HHIP: variants seen among roughly 807,000 people sequenced by gnomAD.
The protein encoded by HHIP is hedgehog-interacting protein.
In HHIP, 12 loss-of-function variants were observed where a neutral mutation model predicts 74.0. The observed-to-expected ratio is 0.16, with a 90% CI of 0.10 to 0.26. HHIP has a LOEUF of 0.26. Among genes scored for constraint, HHIP ranks in the 10% least tolerant of loss-of-function variants. The pLI is 1.00. For missense variants in HHIP, 788 were observed against 845.0 expected, an observed-to-expected ratio of 0.93 and a Z score of 0.84; for synonymous variants, 309 against 311.6, an observed-to-expected ratio of 0.99 and a Z score of 0.09.
intron 1 of HHIP, chr4:144,647,317 G>T: frequency 4.9e-6 from 1 of 202,584 alleles, no homozygotes; most frequent in South Asian, 1.8e-4. Flanking sequence ...AGGTGGCTGT[G>T]GTTTCCGGCT....
chr4:144,715,150 C>G, intron 9 of HHIP, 150 bp from the exon 10 acceptor site: 1 of 637,846 alleles, frequency 1.6e-6, no homozygotes. Context: ...ACAGTACTCA[C>G]ACACGTTATG....
At chr4:144,732,897 C>T (rs1731002134) in intron 11 of HHIP, among the ~76,000 whole-genome samples, 1 of 152,204 alleles carries the variant, frequency 6.6e-6, no homozygotes, top group African/African-American at 2.4e-5. Context: ...CAGAATTCTG[C>T]AATTTCAACT....
At chr4:144,728,421 T>C (rs1447567476) in intron 11 of HHIP, among the ~76,000 whole-genome samples, 1 of 152,168 alleles carries the variant, frequency 6.6e-6, no homozygotes, top group Non-Finnish European at 1.5e-5. Flanking sequence ...TATGTAAAAA[T>C]AAGATAGAAC....
At chr4:144,684,344 T>C (rs1410183444) in intron 4 of HHIP, among the ~76,000 whole-genome samples, 13 of 127,096 alleles carry the variant, frequency 1.0e-4, no homozygotes, top group Non-Finnish European at 1.7e-4. Flanking sequence ...CTGCAAGCTC[T>C]GCCTCCCGGG....
At chr4:144,668,370 A>T (rs1474396473) in intron 4 of HHIP, among the ~76,000 whole-genome samples, 1 of 152,038 alleles carries the variant, frequency 6.6e-6, no homozygotes, top group Non-Finnish European at 1.5e-5. Context: ...GAGAAGAGAG[A>T]ACTTTAAAAG....
Position 144,718,950 on chromosome 4 carries a change from C to G in HHIP, c.1754C>G (p.Pro585Arg). The change falls in exon 11 of 13, where the codon CCC becomes CGC. Residue 585 changes from proline (P) to arginine (R), a missense_variant. Pro to Arg is a moderately radical substitution (Grantham distance 103). Coordinates refer to ENST00000296575, the MANE Select transcript of HHIP (RefSeq NM_022475.3). ...GGAAAACTCTACAAAATTGTAGATC[C>G]CAAAAGGTGAGATTTCCTTTTATCC... ...HNGKLYKIVDPKRPLMPEECR... is the reference protein window; with the variant it reads ...HNGKLYKIVDRKRPLMPEECR... The G allele has an allele frequency of 6.3e-7, 1 of 1,584,242 alleles. No individual in the cohort carries two copies. Among genetic ancestry groups the G allele is most frequent in the Non-Finnish European group, 8.7e-7 (1 of 1,153,374 alleles).
In HHIP at chr4:144,741,379, T is replaced by C. The variant is rs573045240; in HGVS notation, c.*3422T>C. 1.5e-3 allele frequency: 221 copies of C among 147,108 alleles called. 1 individual carries two copies. The highest frequency in any genetic ancestry group is 5.3e-3 in the African/African-American group (209 of 39,188). 9.1% of individuals were successfully genotyped at this position (147,108 alleles called of 1,614,324 possible). ...CCATTTGCTGTTTTTTTTTTTTTTT[T>C]GGTTTCTTTTTTTTTTTTTTTGAGA... On this transcript the variant is annotated 3_prime_UTR_variant, in exon 13 of 13. Transcript: ENST00000296575.
chr4:144,736,544 T>C (rs1731126580), intron 12 of HHIP, among the ~76,000 whole-genome samples: 1 of 152,194 alleles, frequency 6.6e-6, no homozygotes, highest in South Asian at 2.1e-4. Flanking sequence ...CTAGTGACAG[T>C]ATATTTAAAC....
chr4:144,736,555 T>C (rs1731126883), intron 12 of HHIP, among the ~76,000 whole-genome samples: 1 of 152,198 alleles, frequency 6.6e-6, no homozygotes, highest in African/African-American at 2.4e-5. Flanking sequence ...ATATTTAAAC[T>C]GAGGGTGAAT....
rs1373660973 is a variant in HHIP at position 144,738,850 on chromosome 4, G to T, written c.*893G>T. On this transcript the variant is annotated 3_prime_UTR_variant, in exon 13 of 13. Coordinates refer to ENST00000296575, the MANE Select transcript of HHIP (RefSeq NM_022475.3). ...ATGTGCTGTGGATCTAATCTAGCAA[G>T]GTATCCTTGTGCCAACATGTAATCA... is the stretch of plus-strand genomic sequence containing the variant. 1 of 206,834 alleles carries T rather than the reference G, an allele frequency of 4.8e-6. No individual in the cohort carries two copies. The highest frequency in any genetic ancestry group is 2.4e-5 in the African/African-American group (1 of 42,396). 12.8% of individuals were successfully genotyped at this position (206,834 alleles called of 1,614,324 possible). A position where few individuals can be genotyped will look rare whatever the true frequency, so the allele number is the denominator to read the frequency against.
chr4:144,719,763 A>G (rs1374883593), intron 11 of HHIP, among the ~76,000 whole-genome samples: 1 of 152,228 alleles, frequency 6.6e-6, no homozygotes, highest in African/African-American at 2.4e-5. Flanking sequence ...GTTGAGCACT[A>G]GGACTTGTTA....
rs762478878 is a variant in HHIP, at chr4:144,658,917, A to G, written c.600A>G (p.Glu200=). 1.9e-6 allele frequency: 3 copies of G among 1,613,126 alleles called. No individual in the cohort carries two copies. In the South Asian group the frequency reaches 3.3e-5, roughly 18 times the overall value. ...CATCTAACTACTTGGACCAGATGGA[A>G]GAATATGACAAAGTGGAAGAGATCA... The part of the protein sequence containing the change: ...GPASNYLDQM[E]EYDKVEEISR... Residue 200 remains glutamate (E), a synonymous_variant, in exon 3 of 13, where the codon GAA becomes GAG. Coordinates refer to ENST00000296575, the MANE Select transcript of HHIP (RefSeq NM_022475.3).
At chr4:144,699,506 C>A (rs1365650068) in intron 4 of HHIP, among the ~76,000 whole-genome samples, 1 of 152,114 alleles carries the variant, frequency 6.6e-6, no homozygotes, top group African/African-American at 2.4e-5. Flanking sequence ...AACCTCCAAC[C>A]TCTCTTGCTC....
At chr4:144,690,834 A>C (rs1321062600) in intron 4 of HHIP, among the ~76,000 whole-genome samples, 1 of 152,188 alleles carries the variant, frequency 6.6e-6, no homozygotes, top group East Asian at 1.9e-4. Context: ...CAACAGAAAC[A>C]AAAAACTCTT....
At chr4:144,701,328 T>C (rs1035502002) in intron 4 of HHIP, among the ~76,000 whole-genome samples, 2 of 151,662 alleles carry the variant, frequency 1.3e-5, no homozygotes, top group African/African-American at 4.8e-5. Flanking sequence ...TTTTTCTTTT[T>C]TTTTTTTTAG....
chr4:144,714,007 G>A (rs1023861086), intron 8 of HHIP, among the ~76,000 whole-genome samples: 8 of 151,974 alleles, frequency 5.3e-5, no homozygotes, highest in African/African-American at 2.4e-5. Flanking sequence ...AAGCGTTTGC[G>A]GAGCATTCTG....
chr4:144,718,982 G>A, intron 11 of HHIP, 26 bp downstream of exon 11: 1 of 1,364,626 alleles, frequency 7.3e-7, no homozygotes, highest in South Asian at 1.2e-5. Flanking sequence ...ATCCCATTAA[G>A]TCAAGTAATT....
chr4:144,699,757 T>G (rs1578707816), intron 4 of HHIP, among the ~76,000 whole-genome samples: 1 of 152,154 alleles, frequency 6.6e-6, no homozygotes, highest in Admixed American at 6.5e-5. Context: ...ACAAACTTTT[T>G]TTTTTTTAAT....
At chr4:144,683,575 T>C (rs993937823) in intron 4 of HHIP, among the ~76,000 whole-genome samples, 1 of 152,240 alleles carries the variant, frequency 6.6e-6, no homozygotes, top group Non-Finnish European at 1.5e-5. Flanking sequence ...TATGTGGATA[T>C]TATTTAGCTT....
Sources: allele counts gnomAD v4.1 joint callset (sites outside exome capture counted in the v4.1 genomes callset), GRCh38; gene constraint gnomAD v4.1.1; transcripts MANE v1.5; gene names NCBI Gene and HGNC (gene_info 2026-07-23, HGNC 2026-07-21).